The following ANXA13 variants were observed in gnomAD, a reference collection of about 807,000 sequenced individuals.
The protein encoded by ANXA13 is annexin A13.
In ANXA13, 36 loss-of-function variants were observed where a neutral mutation model predicts 46.6. The observed-to-expected ratio is 0.77, with a 90% CI of 0.59 to 1.02. The LOEUF is 1.02. Ranked by LOEUF, ANXA13 falls within the 50% of genes least tolerant of loss-of-function variation. The probability of loss-of-function intolerance (pLI) is 0.00; values close to 1 mark genes in which losing one functional copy is unlikely to be tolerated. For missense variants in ANXA13, 417 were observed against 396.5 expected (o/e 1.05, Z -0.44); for synonymous variants, 163 against 152.9 (o/e 1.07, Z -0.49).
At chr8:123,735,495 C>T (rs1471584996) in intron 1 of ANXA13, among the ~76,000 whole-genome samples, 2 of 151,732 alleles carry the variant, frequency 1.3e-5, no homozygotes, top group African/African-American at 4.9e-5. Context: ...GGTGTAGCCT[C>T]ATGTGCTTGA....
intron 1 of ANXA13, chr8:123,735,983 G>A (rs1231934551): frequency 4.8e-6 from 6 of 1,255,516 alleles, no homozygotes; most frequent in Admixed American, 3.0e-5. Context: ...AGCTGTGAAT[G>A]CAGGGTCCAT....
At chr8:123,712,133 T>TC (rs1268440158) in intron 2 of ANXA13, 2 of 155,100 alleles carry the variant, frequency 1.3e-5, no homozygotes, top group Non-Finnish European at 2.9e-5. Flanking sequence ...AGGGGCAGTT[T>TC]CCCCCATACC....
intron 1 of ANXA13, chr8:123,728,805 A>C (rs902779882): frequency 1.3e-5 from 2 of 152,020 alleles, no homozygotes; most frequent in African/African-American, 4.8e-5. Context: ...GGATCCAAAA[A>C]AATTAATTCT....
intron 10 of ANXA13, among the ~76,000 whole-genome samples, chr8:123,682,654 C>A (rs958225692): frequency 3.9e-5 from 6 of 152,116 alleles, no homozygotes; most frequent in African/African-American, 1.2e-4. Context: ...TCTGTCTCTC[C>A]CCCAGCCTGT....
intron 1 of ANXA13, among the ~76,000 whole-genome samples, 196 bp from the exon 2 acceptor site, chr8:123,712,949 G>A (rs983687381): frequency 6.6e-6 from 1 of 152,194 alleles, no homozygotes; most frequent in African/African-American, 2.4e-5. Context: ...CTTGGGGCCA[G>A]CTGGCCTTGG....
chr8:123,697,936 G>A (rs1251004661), intron 4 of ANXA13, among the ~76,000 whole-genome samples: 1 of 152,284 alleles, frequency 6.6e-6, no homozygotes, highest in African/African-American at 2.4e-5. Context: ...AGCCACTGGG[G>A]TGTTCACTGG....
At chr8:123,725,119 A>G (rs1250906233) in intron 1 of ANXA13, among the ~76,000 whole-genome samples, 1 of 152,208 alleles carries the variant, frequency 6.6e-6, no homozygotes, top group Non-Finnish European at 1.5e-5. Context: ...GCTTTCATTT[A>G]GTTATCTATA....
intron 1 of ANXA13, among the ~76,000 whole-genome samples, chr8:123,727,339 A>G (rs906465188): frequency 6.6e-6 from 1 of 152,212 alleles, no homozygotes; most frequent in African/African-American, 2.4e-5. Flanking sequence ...TTTCTCTGTT[A>G]TAAGAGAAGA....
chr8:123,726,395 G>T (rs935865589), intron 1 of ANXA13, among the ~76,000 whole-genome samples: 10 of 152,188 alleles, frequency 6.6e-5, no homozygotes, highest in Admixed American at 2.0e-4. Flanking sequence ...TTAAACTGGT[G>T]GGCACCATTG....
intron 1 of ANXA13, chr8:123,735,832 C>A: frequency 6.2e-7 from 1 of 1,612,338 alleles, no homozygotes; most frequent in Non-Finnish European, 8.5e-7. Context: ...TGGGAGTCCC[C>A]TTTAGGCAAC....
chr8:123,695,388 A>G (rs1243769273), intron 6 of ANXA13, 114 bp downstream of exon 6: 2 of 802,558 alleles, frequency 2.5e-6, no homozygotes, highest in African/African-American at 1.7e-5. Context: ...CCTTGATAAT[A>G]TTTTTAATAT....
chr8:123,705,590 C>T (rs956784530), intron 2 of ANXA13, among the ~76,000 whole-genome samples: 35 of 152,210 alleles, frequency 2.3e-4, no homozygotes, highest in Non-Finnish European at 4.3e-4. Flanking sequence ...ATTCTGAGCC[C>T]GACACCTGGG....
chr8:123,707,628 A>C (rs1813562985), intron 2 of ANXA13, among the ~76,000 whole-genome samples: 1 of 152,154 alleles, frequency 6.6e-6, no homozygotes, highest in Non-Finnish European at 1.5e-5. Context: ...TCTCACTCAT[A>C]AGTGAGAGTT....
chr8:123,710,379 G>C (rs1257369169), intron 2 of ANXA13, among the ~76,000 whole-genome samples: 1 of 152,210 alleles, frequency 6.6e-6, no homozygotes, highest in Admixed American at 6.5e-5. Flanking sequence ...GCTAATGGGT[G>C]TGAGGTTTCT....
intron 1 of ANXA13, among the ~76,000 whole-genome samples, chr8:123,719,681 G>A (rs1813824639): frequency 6.6e-6 from 1 of 152,184 alleles, no homozygotes; most frequent in Non-Finnish European, 1.5e-5. Context: ...CTGATGCTTT[G>A]GGAGTCTGTG....
chr8:123,712,697 G>A lies in ANXA13; in HGVS notation c.72C>T (p.Asn24=), dbSNP rs767161062. The A allele has an allele frequency of 5.0e-5, 81 of 1,614,014 alleles. No individual in the cohort carries two copies. In the South Asian group the frequency reaches 7.6e-4, roughly 15 times the overall value. The change falls in exon 2 of 11, where the codon AAC becomes AAT. Residue 24 remains asparagine, a synonymous_variant. Transcript: ENST00000419625. The part of the protein sequence containing the change: ...FDVDRDAKKL[N]KACKGMGTNE... ...TCATACCCATTCCTTTGCAGGCTTT[G>A]TTCAGCTTTTTGGCATCTCGATCCA...
chr8:123,724,221 G>A (rs1021751948), intron 1 of ANXA13, among the ~76,000 whole-genome samples: 8 of 152,168 alleles, frequency 5.3e-5, no homozygotes, highest in African/African-American at 9.7e-5. Context: ...TAAGACCTTC[G>A]GGTGTGAAAC....
intron 1 of ANXA13, chr8:123,735,607 G>T: frequency 9.5e-7 from 1 of 1,058,090 alleles, no homozygotes; most frequent in Non-Finnish European, 1.3e-6. Context: ...ACTTTTTGCA[G>T]GGAAAGATTT....
At position 123,725,291 on chromosome 8, in the gene ANXA13, A is replaced by G. The variant is rs116941985; in HGVS notation, c.15+12029T>C. Among the ~76,000 whole-genome samples the G allele has an allele frequency of 1.9e-3, 287 of 152,334 alleles. 1 individual carries two copies. Among genetic ancestry groups the G allele is most frequent in the Middle Eastern group, 6.8e-3 (2 of 294 alleles). On this transcript the variant is annotated intron_variant, in intron 1 of 10. Transcript: ENST00000419625. ...CAACAATCATGAAGGTTGTACTTAA[A>G]TCTGAAGTTTGGGAGACATTGAATG...
Sources: gnomAD v4.1 joint callset for allele counts (sites outside exome capture counted in the v4.1 genomes callset) on GRCh38, gnomAD v4.1.1 for gene constraint, MANE v1.5 for transcripts, NCBI Gene and HGNC (gene_info 2026-07-23, HGNC 2026-07-21) for gene names.